Variants in CAST observed in about 807,000 individuals in gnomAD.
CAST encodes the protein calpastatin, also known as MIR583 host.
In CAST, 76 loss-of-function variants were observed where a neutral mutation model predicts 119.6. That is an observed-to-expected ratio of 0.64 (90% CI 0.53 to 0.77). The LOEUF is 0.77. Ranked by LOEUF, CAST falls within the 30% of genes least tolerant of loss-of-function variation. CAST has a pLI of 0.00. For missense variants in CAST, 953 were observed against 946.5 expected (o/e 1.01, Z -0.09); for synonymous variants, 319 against 331.6 (o/e 0.96, Z 0.41).
At chr5:96,035,940 C>T in the CAST span, among the ~76,000 whole-genome samples, 1 of 151,986 alleles carries the variant, frequency 6.6e-6, no homozygotes, top group Non-Finnish European at 1.5e-5. Context: ...CTAGGCAAAA[C>T]AGCTCTCTTT....
At chr5:96,000,894 G>A in the CAST span, among the ~76,000 whole-genome samples, 5 of 152,182 alleles carry the variant, frequency 3.3e-5, no homozygotes, top group African/African-American at 9.7e-5. Context: ...AGTGGGGACT[G>A]TTGTGATATC....
chr5:96,340,593 C>T, the CAST span, among the ~76,000 whole-genome samples: 12 of 152,246 alleles, frequency 7.9e-5, no homozygotes, highest in South Asian at 2.5e-3. Context: ...CTGCCAGGTC[C>T]CGGTAGGAGC....
chr5:96,393,049 G>A, the CAST span: 121 of 1,614,016 alleles, frequency 7.5e-5, 1 homozygote, highest in African/African-American at 1.0e-3. Flanking sequence ...GCAGCCGGTC[G>A]TCTCTGTGCT....
chr5:96,221,302 G>A, the CAST span, among the ~76,000 whole-genome samples: 18 of 152,154 alleles, frequency 1.2e-4, no homozygotes, highest in South Asian at 2.9e-3. Flanking sequence ...AAGGGCATTC[G>A]AATTGGAAAA....
At chr5:96,678,960 C>T (rs1169044489) in intron 2 of CAST, among the ~76,000 whole-genome samples, 1 of 152,076 alleles carries the variant, frequency 6.6e-6, no homozygotes, top group Non-Finnish European at 1.5e-5. Flanking sequence ...AATATTACCC[C>T]AACACACAAC....
chr5:96,542,153 A>C (rs1745924726), intron 1 of CAST, among the ~76,000 whole-genome samples: 1 of 152,120 alleles, frequency 6.6e-6, no homozygotes. Flanking sequence ...TACTAAAAAT[A>C]CAAAAAATTA....
intron 30 of CAST, 71 bp downstream of exon 30, chr5:96,770,673 AT>A: frequency 9.7e-7 from 1 of 1,030,684 alleles, no homozygotes; most frequent in African/African-American, 1.6e-5. Context: ...CATTTCAGTC[AT>A]TTAGTTTCCT....
chr5:96,051,998 G>C, the CAST span, among the ~76,000 whole-genome samples: 1 of 152,042 alleles, frequency 6.6e-6, no homozygotes, highest in Non-Finnish European at 1.5e-5. Flanking sequence ...ACCAAATTTA[G>C]GATCGTGCTT....
At chr5:96,613,731 T>C (rs6890138) in intron 1 of CAST, among the ~76,000 whole-genome samples, 3,347 of 152,240 alleles carry the variant, frequency 0.022, 127 homozygotes, top group African/African-American at 0.069. Flanking sequence ...TAACTACCTA[T>C]CTCCCTGGAG....
the CAST span, among the ~76,000 whole-genome samples, chr5:95,990,739 A>AT: frequency 2.8e-4 from 43 of 152,080 alleles, no homozygotes; most frequent in Middle Eastern, 3.4e-3. Flanking sequence ...AAATTAATTA[A>AT]TTTTTTATCT....
At chr5:96,299,103 G>A in the CAST span, among the ~76,000 whole-genome samples, 3 of 151,898 alleles carry the variant, frequency 2.0e-5, no homozygotes, top group African/African-American at 7.3e-5. Flanking sequence ...AAATTGGCTG[G>A]GCGTGGTGGT....
upstream of CAST, among the ~76,000 whole-genome samples, chr5:96,526,604 T>A (rs1312131973): frequency 6.6e-6 from 1 of 152,216 alleles, no homozygotes; most frequent in Non-Finnish European, 1.5e-5. Flanking sequence ...TATGCCAAAG[T>A]GGCATATTTG....
At chr5:96,064,689 G>T in the CAST span, among the ~76,000 whole-genome samples, 8 of 120,776 alleles carry the variant, frequency 6.6e-5, no homozygotes, top group African/African-American at 2.4e-4. Context: ...ATTGTAGTTT[G>T]TGCCTGTGGC....
chr5:96,476,927 CAAAAAAA>C, the CAST span, among the ~76,000 whole-genome samples: 1 of 132,146 alleles, frequency 7.6e-6, no homozygotes, highest in Non-Finnish European at 1.6e-5. Flanking sequence ...ATGTGGATGG[CAAAAAAA>C]AAAAAAAAAA....
the CAST span, among the ~76,000 whole-genome samples, chr5:96,220,426 A>G: frequency 1.2e-3 from 188 of 152,348 alleles, 1 homozygote; most frequent in Middle Eastern, 6.8e-3. Context: ...ACCATGGTAA[A>G]GAATAGAATA....
chr5:96,171,633 T>G, the CAST span, among the ~76,000 whole-genome samples: 35 of 151,950 alleles, frequency 2.3e-4, no homozygotes, highest in Non-Finnish European at 4.6e-4. Flanking sequence ...AGCGCCAGAG[T>G]TTTGGGTCCA....
At chr5:96,623,403 C>T (rs1747659857) in intron 1 of CAST, among the ~76,000 whole-genome samples, 1 of 152,154 alleles carries the variant, frequency 6.6e-6, no homozygotes, top group South Asian at 2.1e-4. Flanking sequence ...ATAATAGCTG[C>T]CCAGCAAATT....
chr5:96,270,505 C>T, the CAST span, among the ~76,000 whole-genome samples: 8 of 152,122 alleles, frequency 5.3e-5, no homozygotes, highest in Admixed American at 3.3e-4. Flanking sequence ...AAAGACTTCA[C>T]CTATGGAATA....
chr5:96,757,014 T>TGAGTTAGATA (rs1766459719), intron 22 of CAST, among the ~76,000 whole-genome samples: 1 of 152,226 alleles, frequency 6.6e-6, no homozygotes. Context: ...TCCTTGCATA[T>TGAGTTAGATA]GAGTTAGATG....
Sources: allele counts gnomAD v4.1 joint callset (sites outside exome capture counted in the v4.1 genomes callset), GRCh38; gene constraint gnomAD v4.1.1; transcripts MANE v1.5; gene names NCBI Gene and HGNC (gene_info 2026-07-23, HGNC 2026-07-21).